NOP58: variants seen among roughly 807,000 people sequenced by gnomAD.
NOP58 encodes the protein NOP58 ribonucleoprotein, also known as nucleolar protein 58.
Under a neutral mutation model 71.2 loss-of-function variants are expected in NOP58, and 44 were observed. The observed-to-expected ratio is 0.62, with a 90% CI of 0.49 to 0.79. NOP58 has a LOEUF of 0.79. Ranked by LOEUF, NOP58 falls within the 30% of genes least tolerant of loss-of-function variation. The probability of loss-of-function intolerance (pLI) is 0.00; values close to 1 mark genes in which losing one functional copy is unlikely to be tolerated. For missense variants in NOP58, 538 were observed against 620.2 expected (o/e 0.87, Z 1.41); for synonymous variants, 228 against 200.3 (o/e 1.14, Z -1.17).
intron 2 of NOP58, among the ~76,000 whole-genome samples, chr2:202,277,497 T>A (rs1201711536): frequency 6.6e-6 from 1 of 150,918 alleles, no homozygotes; most frequent in Non-Finnish European, 1.5e-5. Flanking sequence ...CAAAAAACCA[T>A]AAAGGGTTAG....
At chr2:202,276,697 G>A (rs1167504374) in intron 2 of NOP58, among the ~76,000 whole-genome samples, 1 of 152,084 alleles carries the variant, frequency 6.6e-6, no homozygotes, top group Non-Finnish European at 1.5e-5. Context: ...AATTAGCTGG[G>A]TGTGGTGGTG....
chr2:202,278,883 A>G (rs1688653054), intron 3 of NOP58, among the ~76,000 whole-genome samples: 1 of 152,196 alleles, frequency 6.6e-6, no homozygotes, highest in South Asian at 2.1e-4. Context: ...CTGGAACATA[A>G]CAGACCACCC....
chr2:202,300,404 C>A, intron 13 of NOP58, 37 bp downstream of exon 13: 1 of 1,525,276 alleles, frequency 6.6e-7, no homozygotes. Context: ...AACTTATACT[C>A]ACTTCTTTAG....
At chr2:202,266,581 G>A (rs1688421411) in intron 1 of NOP58, among the ~76,000 whole-genome samples, 1 of 152,178 alleles carries the variant, frequency 6.6e-6, no homozygotes, top group African/African-American at 2.4e-5. Context: ...CTCCCAAAGT[G>A]CTGGGATTAC....
intron 2 of NOP58, among the ~76,000 whole-genome samples, chr2:202,277,082 T>C (rs1231084910): frequency 1.3e-5 from 2 of 151,984 alleles, no homozygotes; most frequent in Non-Finnish European, 2.9e-5. Flanking sequence ...GGTCAGGAGA[T>C]GGAGACCATC....
intron 5 of NOP58, chr2:202,284,804 C>T: frequency 4.4e-6 from 1 of 228,446 alleles, no homozygotes; most frequent in Non-Finnish European, 8.5e-6. Context: ...TCTGCTAAGT[C>T]ATGCCACTCC....
chr2:202,270,623 G>A (rs1054548310), intron 1 of NOP58, among the ~76,000 whole-genome samples: 1 of 151,980 alleles, frequency 6.6e-6, no homozygotes. Flanking sequence ...AATTAGCTGG[G>A]CACAGTGGTG....
chr2:202,268,413 T>A (rs1688453498), intron 1 of NOP58, among the ~76,000 whole-genome samples: 1 of 151,500 alleles, frequency 6.6e-6, no homozygotes, highest in African/African-American at 2.4e-5. Context: ...TGTGCGCCTG[T>A]AATCTCAGCT....
intron 2 of NOP58, 100 bp downstream of exon 2, chr2:202,275,289 T>C (rs1360582136): frequency 1.6e-6 from 1 of 643,474 alleles, no homozygotes; most frequent in African/African-American, 1.9e-5. Flanking sequence ...TTCGTAGTTT[T>C]CTGTTTTGAA....
At chr2:202,284,606 T>C in intron 5 of NOP58, 125 bp downstream of exon 5, 7 of 746,152 alleles carry the variant, frequency 9.4e-6, no homozygotes, top group Non-Finnish European at 1.3e-5. Flanking sequence ...AAGATGATAG[T>C]AATATCCTCA....
At position 202,282,422 on chromosome 2, in the gene NOP58, G is replaced by C; in HGVS notation, c.247G>C (p.Ala83Pro). 6.2e-7 allele frequency: 1 copy of C among 1,613,648 alleles called. No individual in the cohort carries two copies. The highest frequency in any genetic ancestry group is 8.5e-7 in the Non-Finnish European group (1 of 1,179,910). The change falls in exon 4 of 15, where the codon GCC (alanine) becomes CCC (proline). Residue 83 changes from alanine (A) to proline (P), a missense_variant. Physicochemically the swap from Ala to Pro is conservative, Grantham distance 27. Coordinates refer to ENST00000264279, the MANE Select transcript of NOP58 (RefSeq NM_015934.5). ...KKVLKKIVKE[A>P]HEPLAVADAK... Reference sequence around the variant, plus strand: ...AGTTCTGAAGAAAATAGTAAAAGAAGCCCATGAACCGCTGGCAGTAGCTGA... The same window carrying C: ...AGTTCTGAAGAAAATAGTAAAAGAACCCCATGAACCGCTGGCAGTAGCTGA...
intron 6 of NOP58, among the ~76,000 whole-genome samples, chr2:202,288,371 C>G (rs1244812018): frequency 1.3e-5 from 2 of 151,572 alleles, no homozygotes; most frequent in East Asian, 1.9e-4. Flanking sequence ...GTAATCTCAG[C>G]TACTCGGGAG....
chr2:202,278,100 T>A, intron 3 of NOP58, 98 bp downstream of exon 3: 1 of 807,632 alleles, frequency 1.2e-6, no homozygotes, highest in Non-Finnish European at 2.2e-6. Context: ...TTGCCTGTGT[T>A]AACCTTATTC....
intron 3 of NOP58, among the ~76,000 whole-genome samples, chr2:202,281,580 C>T (rs1157955986): frequency 6.6e-6 from 1 of 152,182 alleles, no homozygotes; most frequent in Non-Finnish European, 1.5e-5. Flanking sequence ...AGCTGGACTA[C>T]AGGCACATGC....
chr2:202,292,886 G>A lies in NOP58; in HGVS notation c.890G>A (p.Arg297Gln), dbSNP rs1252104330. The change falls in exon 9 of 15, where the codon CGG (arginine) becomes CAG (glutamine). Residue 297 changes from arginine (R) to glutamine (Q), a missense_variant. Arg to Gln is a conservative substitution (Grantham distance 43, BLOSUM62 1). Coordinates refer to ENST00000264279, the MANE Select transcript of NOP58 (RefSeq NM_015934.5). Reference protein sequence around the residue: ...TVMVGELVGARLIAHAGSLLN... With the variant: ...TVMVGELVGAQLIAHAGSLLN... Reference sequence around the variant, plus strand: ...ATGGTTGGGGAATTAGTTGGAGCACGGCTTATTGCTCATGCAGGTGATGGT... The same window carrying A: ...ATGGTTGGGGAATTAGTTGGAGCACAGCTTATTGCTCATGCAGGTGATGGT... The A allele has an allele frequency of 6.2e-7, 1 of 1,614,058 alleles. No individual in the cohort carries two copies. The highest frequency in any genetic ancestry group is 1.3e-5 in the African/African-American group (1 of 75,050).
chr2:202,274,667 C>G (rs541921152), intron 1 of NOP58, among the ~76,000 whole-genome samples: 2 of 152,154 alleles, frequency 1.3e-5, no homozygotes. Flanking sequence ...GAGGCCGAGG[C>G]ACTAGAATCT....
At chr2:202,280,234 C>CT (rs1688677734) in intron 3 of NOP58, among the ~76,000 whole-genome samples, 1 of 152,114 alleles carries the variant, frequency 6.6e-6, no homozygotes, top group African/African-American at 2.4e-5. Flanking sequence ...GGCACAGTGA[C>CT]TAACACCTGT....
rs765540259 is a variant in NOP58 at position 202,287,740 on chromosome 2, G to T, written c.499+16G>T. On this transcript the variant is annotated intron_variant, in intron 6 of 14. Transcript: ENST00000264279. ...CAGGCAATTTGTAAGTATAGTACAT[G>T]CAAAGTCCGATTTGTTGCTCTGTCC... 1.3e-6 allele frequency: 2 copies of T among 1,573,584 alleles called. No individual in the cohort carries two copies. The highest frequency in any genetic ancestry group is 1.7e-6 in the Non-Finnish European group (2 of 1,143,240).
intron 13 of NOP58, among the ~76,000 whole-genome samples, chr2:202,301,474 C>T (rs897059370): frequency 4.6e-5 from 7 of 152,182 alleles, no homozygotes; most frequent in East Asian, 1.9e-4. Flanking sequence ...TGAGCCACCA[C>T]GCCCAGTCCT....
Sources: gnomAD v4.1 joint callset for allele counts (sites outside exome capture counted in the v4.1 genomes callset) on GRCh38, gnomAD v4.1.1 for gene constraint, MANE v1.5 for transcripts, NCBI Gene and HGNC (gene_info 2026-07-23, HGNC 2026-07-21) for gene names.